POU6F2: variants seen among roughly 807,000 people sequenced by gnomAD.
POU6F2 encodes the protein POU class 6 homeobox 2.
POU6F2 carries 31 observed loss-of-function variants against 71.3 expected under a neutral mutation model. That is an observed-to-expected ratio of 0.43 (90% confidence interval 0.33 to 0.59). The LOEUF (loss-of-function observed/expected upper bound fraction) is 0.59, where lower values mean the gene tolerates loss of function less well. Among genes scored for constraint, POU6F2 ranks in the 20% least tolerant of loss-of-function variants. The pLI is 0.04. For synonymous variants in POU6F2, 347 were observed against 355.7 expected (o/e 0.98, Z 0.27); for missense variants, 783 against 856.8 (o/e 0.91, Z 1.07).
At chr7:38,999,062 C>G (rs1788825867) in intron 1 of POU6F2, among the ~76,000 whole-genome samples, 1 of 152,020 alleles carries the variant, frequency 6.6e-6, no homozygotes, top group African/African-American at 2.4e-5. Flanking sequence ...CAGTGGAGAA[C>G]ATAGCAATGG....
chr7:39,305,913 G>A (rs912927361), intron 4 of POU6F2, among the ~76,000 whole-genome samples: 4 of 152,138 alleles, frequency 2.6e-5, no homozygotes, highest in Admixed American at 2.0e-4. Flanking sequence ...CTAAGTTGGA[G>A]TAGAATAGTA....
chr7:39,257,871 T>A (rs996982700), intron 4 of POU6F2, among the ~76,000 whole-genome samples: 1 of 152,126 alleles, frequency 6.6e-6, no homozygotes, highest in African/African-American at 2.4e-5. Flanking sequence ...CTCTACATTT[T>A]TCCCCATAGA....
At chr7:39,029,515 A>C (rs1789891644) in intron 1 of POU6F2, among the ~76,000 whole-genome samples, 1 of 151,978 alleles carries the variant, frequency 6.6e-6, no homozygotes. Context: ...ATGATGAGAA[A>C]TTATATAGTG....
intron 7 of POU6F2, among the ~76,000 whole-genome samples, chr7:39,446,057 A>G (rs1788516149): frequency 6.6e-6 from 1 of 152,250 alleles, no homozygotes; most frequent in Non-Finnish European, 1.5e-5. Context: ...TTCTGATGCA[A>G]CTAAATCTTG....
intron 4 of POU6F2, among the ~76,000 whole-genome samples, chr7:39,264,014 T>C (rs1287240945): frequency 6.6e-6 from 1 of 152,220 alleles, no homozygotes; most frequent in East Asian, 1.9e-4. Context: ...TTCTGCTCAA[T>C]GGCAGGAAGG....
intron 2 of POU6F2, among the ~76,000 whole-genome samples, chr7:39,099,072 A>G (rs1263631228): frequency 1.3e-5 from 2 of 152,224 alleles, no homozygotes; most frequent in East Asian, 3.8e-4. Flanking sequence ...ATTCAGACTC[A>G]TAAATGGAGG....
chr7:39,079,636 T>C (rs1456011343), intron 1 of POU6F2, among the ~76,000 whole-genome samples: 1 of 152,196 alleles, frequency 6.6e-6, no homozygotes, highest in African/African-American at 2.4e-5. Flanking sequence ...GCAGCATTTA[T>C]TTTTAATTTT....
chr7:39,347,788 C>T lies in POU6F2; in HGVS notation c.972+7773C>T, dbSNP rs373160136. On this transcript the variant is annotated intron_variant, in intron 5 of 9. Coordinates refer to ENST00000518318, the MANE Select transcript of POU6F2 (RefSeq NM_001370959.1). ...CTGGGACTACAGGCATGTACCATCA[C>T]GCCTGGCTAATTTTTGTATTTTTTG... Among the ~76,000 whole-genome samples the T allele has an allele frequency of 5.8e-4, 83 of 142,300 alleles. 10 individuals are homozygous for T. The highest frequency in any genetic ancestry group is 1.4e-3 in the Admixed American group (19 of 13,352). The allele number at this position is 142,300 out of a possible 152,430, so 93.4% of individuals were successfully genotyped here.
intron 4 of POU6F2, among the ~76,000 whole-genome samples, chr7:39,278,117 G>A (rs1222532687): frequency 2.7e-5 from 3 of 112,868 alleles, no homozygotes; most frequent in South Asian, 3.7e-4. Flanking sequence ...GGGGGGGAGG[G>A]AGGGAGGAAG....
intron 5 of POU6F2, among the ~76,000 whole-genome samples, chr7:39,390,594 G>A (rs896351437): frequency 6.6e-6 from 1 of 152,148 alleles, no homozygotes; most frequent in Non-Finnish European, 1.5e-5. Flanking sequence ...TCTAGGTTTG[G>A]AAGATAGAGT....
intron 2 of POU6F2, among the ~76,000 whole-genome samples, chr7:39,203,465 T>G (rs1441374737): frequency 1.3e-5 from 2 of 152,248 alleles, no homozygotes; most frequent in Admixed American, 1.3e-4. Flanking sequence ...TTTCTACCAC[T>G]ATCTTACCTG....
At chr7:39,189,868 C>T (rs1793624443) in intron 2 of POU6F2, among the ~76,000 whole-genome samples, 1 of 152,034 alleles carries the variant, frequency 6.6e-6, no homozygotes, top group African/African-American at 2.4e-5. Flanking sequence ...TCAATCATTC[C>T]TTCTACCCCC....
chr7:39,293,301 A>G (rs1348568151), intron 4 of POU6F2, among the ~76,000 whole-genome samples: 2 of 152,142 alleles, frequency 1.3e-5, no homozygotes, highest in African/African-American at 2.4e-5. Flanking sequence ...GTGTGTTCAT[A>G]AAGAATCTCC....
At chr7:39,324,433 T>G (rs1785468307) in intron 4 of POU6F2, among the ~76,000 whole-genome samples, 1 of 152,218 alleles carries the variant, frequency 6.6e-6, no homozygotes, top group East Asian at 1.9e-4. Flanking sequence ...AAAAGCTCTC[T>G]TTCCTTCTGG....
chr7:39,229,634 C>G (rs567975743), intron 4 of POU6F2, among the ~76,000 whole-genome samples: 1 of 152,318 alleles, frequency 6.6e-6, no homozygotes, highest in Non-Finnish European at 1.5e-5. Context: ...TAGTAAGATA[C>G]TAGTTTGTGA....
intron 4 of POU6F2, among the ~76,000 whole-genome samples, chr7:39,269,993 A>G (rs566658129): frequency 6.6e-6 from 1 of 152,382 alleles, no homozygotes; most frequent in South Asian, 2.1e-4. Flanking sequence ...ATGTTTTATC[A>G]GTAGTATAGT....
At chr7:39,408,121 AT>A (rs946322723) in intron 6 of POU6F2, among the ~76,000 whole-genome samples, 2 of 152,186 alleles carry the variant, frequency 1.3e-5, no homozygotes, top group African/African-American at 4.8e-5. Flanking sequence ...GTTGGTTTTA[AT>A]GTCTGTAACT....
chr7:39,100,638 T>C (rs1791550204), intron 2 of POU6F2, among the ~76,000 whole-genome samples: 1 of 152,360 alleles, frequency 6.6e-6, no homozygotes, highest in East Asian at 1.9e-4. Flanking sequence ...TTAATGTACA[T>C]GTTTGTGTTA....
chr7:39,005,608 C>A (rs760395409), intron 1 of POU6F2, among the ~76,000 whole-genome samples: 1 of 115,886 alleles, frequency 8.6e-6, no homozygotes, highest in Non-Finnish European at 1.7e-5. Flanking sequence ...CTTGACCTGC[C>A]GTCAAAGAGG....
Sources: allele counts gnomAD v4.1 joint callset (sites outside exome capture counted in the v4.1 genomes callset), GRCh38; gene constraint gnomAD v4.1.1; transcripts MANE v1.5; gene names NCBI Gene and HGNC (gene_info 2026-07-23, HGNC 2026-07-21).